Variants in NWD2 observed in about 807,000 individuals in gnomAD.
The protein encoded by NWD2 is NACHT and WD repeat domain-containing protein 2.
A neutral mutation model predicts 132.7 loss-of-function variants in NWD2; 37 were observed. The ratio of observed to expected loss-of-function variants is 0.28; its 90% CI spans 0.21 to 0.37. The LOEUF (loss-of-function observed/expected upper bound fraction) is 0.37. NWD2 is among the 10% of genes least tolerant of loss of function. The probability of loss-of-function intolerance (pLI) is 1.00; values close to 1 mark genes in which losing one functional copy is unlikely to be tolerated. For missense variants in NWD2, 1,592 were observed against 2,122.4 expected (o/e 0.75, Z 4.91); for synonymous variants, 705 against 803.0 (o/e 0.88, Z 2.06).
At chr4:37,307,376 C>T (rs1247858752) in intron 1 of NWD2, among the ~76,000 whole-genome samples, 1 of 152,058 alleles carries the variant, frequency 6.6e-6, no homozygotes, top group South Asian at 2.1e-4. Context: ...TCCTTGATTT[C>T]TGAAGGATAA....
intron 1 of NWD2, among the ~76,000 whole-genome samples, chr4:37,282,888 A>G (rs1487157035): frequency 6.6e-6 from 1 of 152,238 alleles, no homozygotes; most frequent in Non-Finnish European, 1.5e-5. Context: ...TAATTATAAC[A>G]GGTACTGTTT....
In NWD2 at chr4:37,252,686, T is replaced by A. The variant is rs559130891; in HGVS notation, c.151+7468T>A. ...TCCCAGCAGGCTTCATTTACATGTC[T>A]GGCACCCAGTTCTCCTCCATGAGGG... On this transcript the variant is annotated intron_variant, in intron 1 of 6. Coordinates refer to ENST00000309447, the MANE Select transcript of NWD2 (RefSeq NM_001144990.2). Among the ~76,000 whole-genome samples the A allele has an allele frequency of 1.3e-3, 204 of 152,340 alleles. 1 individual carries two copies. Among genetic ancestry groups the A allele is most frequent in the African/African-American group, 4.8e-3 (198 of 41,574 alleles).
At chr4:37,304,149 C>T (rs1269194774) in intron 1 of NWD2, among the ~76,000 whole-genome samples, 2 of 151,980 alleles carry the variant, frequency 1.3e-5, no homozygotes, top group East Asian at 3.9e-4. Context: ...TGGTGGAAGG[C>T]AAAGGGAAAG....
chr4:37,347,574 C>T (rs1719661119), intron 2 of NWD2, among the ~76,000 whole-genome samples: 1 of 152,072 alleles, frequency 6.6e-6, no homozygotes, highest in African/African-American at 2.4e-5. Flanking sequence ...CAATTTATAC[C>T]AATTTAATTC....
At chr4:37,267,087 T>C (rs1392217375) in intron 1 of NWD2, among the ~76,000 whole-genome samples, 1 of 151,890 alleles carries the variant, frequency 6.6e-6, no homozygotes, top group African/African-American at 2.4e-5. Context: ...ACAAAACTCA[T>C]GTGGTCATAA....
At chr4:37,348,673 TATACAC>T (rs1482929174) in intron 2 of NWD2, among the ~76,000 whole-genome samples, 1 of 28,204 alleles carries the variant, frequency 3.5e-5, no homozygotes, top group Non-Finnish European at 6.3e-5. Flanking sequence ...TATATATATA[TATACAC>T]ACACACACAC....
At chr4:37,299,173 A>G (rs1010950719) in intron 1 of NWD2, among the ~76,000 whole-genome samples, 1 of 152,012 alleles carries the variant, frequency 6.6e-6, no homozygotes, top group Admixed American at 6.6e-5. Flanking sequence ...CCCCTATTCC[A>G]GTTTCTTCTT....
chr4:37,396,619 C>G (rs1347158347), intron 3 of NWD2, among the ~76,000 whole-genome samples: 1 of 152,242 alleles, frequency 6.6e-6, no homozygotes, highest in Non-Finnish European at 1.5e-5. Flanking sequence ...GGAGAGGATT[C>G]TATAAGCTTC....
chr4:37,253,005 C>G (rs13435696), intron 1 of NWD2, among the ~76,000 whole-genome samples: 4,456 of 151,410 alleles, frequency 0.029, 209 homozygotes, highest in African/African-American at 0.1. Context: ...ACCACAACCC[C>G]CCCCCCTTAT....
At chr4:37,354,172 G>A (rs368008394) in intron 2 of NWD2, among the ~76,000 whole-genome samples, 171 of 152,304 alleles carry the variant, frequency 1.1e-3, no homozygotes, top group African/African-American at 3.9e-3. Context: ...CACCAGCGGA[G>A]GCTGCAGAAC....
At chr4:37,383,564 G>A (rs533717330) in intron 3 of NWD2, among the ~76,000 whole-genome samples, 51 of 152,204 alleles carry the variant, frequency 3.4e-4, no homozygotes, top group African/African-American at 1.1e-3. Flanking sequence ...GATCTCGTAG[G>A]TTTCTCAAGC....
In NWD2 at chr4:37,443,324, G is replaced by C; in HGVS notation, c.1336G>C (p.Asp446His). Reference sequence around the variant, plus strand: ...ACATGAGGACACAGGACCAGAATCTGACCCAGTAGTCATCGTGAGATTTCT... The same window carrying C: ...ACATGAGGACACAGGACCAGAATCTCACCCAGTAGTCATCGTGAGATTTCT... ...WLHEDTGPESDPVVIVRFLGT... is the reference protein window; with the variant it reads ...WLHEDTGPESHPVVIVRFLGT... The change falls in exon 7 of 7, where the codon GAC becomes CAC. Residue 446 changes from aspartate (D) to histidine (H), a missense_variant. Asp to His is a moderately conservative substitution (Grantham distance 81, BLOSUM62 -1). Transcript: ENST00000309447. The surrounding 1 kb of genome is among the most constrained non-coding windows in gnomAD (Gnocchi z 4.1). 6.4e-7 allele frequency: 1 copy of C among 1,551,608 alleles called. No individual in the cohort carries two copies. The highest frequency in any genetic ancestry group is 8.7e-7 in the Non-Finnish European group (1 of 1,146,928).
chr4:37,391,219 A>G (rs1720674102), intron 3 of NWD2, among the ~76,000 whole-genome samples: 1 of 152,232 alleles, frequency 6.6e-6, no homozygotes, highest in Non-Finnish European at 1.5e-5. Flanking sequence ...CACAGCTTGT[A>G]AAGGATGATG....
Position 37,394,877 on chromosome 4 carries a change from A to G in NWD2, c.358-35695A>G, listed in dbSNP as rs185996927. On this transcript the variant is annotated intron_variant, in intron 3 of 6. Transcript: ENST00000309447. ...CCAGGCTGGAGTGTGCAGTGGTGCA[A>G]TCTTGGCTCACTGCAACCTCTGCCT... Among the ~76,000 whole-genome samples, 22 of 121,570 alleles carry G rather than the reference A, an allele frequency of 1.8e-4. No homozygotes were observed. In the East Asian group the frequency reaches 4.8e-3, roughly 26 times the overall value. The allele number at this position is 121,570 out of a possible 152,430, so 79.8% of individuals were successfully genotyped here. A position where few individuals can be genotyped will look rare whatever the true frequency, so the allele number is the denominator to read the frequency against.
chr4:37,335,303 G>GGA (rs1560397972), intron 2 of NWD2, among the ~76,000 whole-genome samples: 1 of 55,550 alleles, frequency 1.8e-5, no homozygotes, highest in African/African-American at 5.8e-5. Flanking sequence ...GGGTGGGCGG[G>GGA]GGGGGGGGGC....
chr4:37,292,516 A>G (rs868536690), intron 1 of NWD2, among the ~76,000 whole-genome samples: 14 of 152,170 alleles, frequency 9.2e-5, no homozygotes, highest in Admixed American at 2.6e-4. Context: ...TCTATTACTT[A>G]TAAATATCCC....
At chr4:37,264,412 T>G (rs1717707511) in intron 1 of NWD2, among the ~76,000 whole-genome samples, 1 of 152,190 alleles carries the variant, frequency 6.6e-6, no homozygotes, top group African/African-American at 2.4e-5. Context: ...TTTAATTTTT[T>G]CATAACCAGC....
In NWD2 at chr4:37,394,801, T is replaced by TTTTTTTTGTTTTG. The variant is rs1560411755; in HGVS notation, c.358-35764_358-35763insGTTTTGTTTTTTT. ...TTCCTCTATAGTGAACCTTTATGGT[T>TTTTTTTTGTTTTG]TTTTTTTTTTTTTTTTTTTTTTTTT... On this transcript the variant is annotated intron_variant, in intron 3 of 6. Coordinates refer to ENST00000309447, the MANE Select transcript of NWD2 (RefSeq NM_001144990.2). Among the ~76,000 whole-genome samples the TTTTTTTTGTTTTG allele has an allele frequency of 2.4e-4, 19 of 79,578 alleles. 1 individual carries two copies. The highest frequency in any genetic ancestry group is 5.7e-4 in the South Asian group (1 of 1,766). 52.2% of individuals were successfully genotyped at this position (79,578 alleles called of 152,430 possible).
intron 3 of NWD2, among the ~76,000 whole-genome samples, chr4:37,411,892 T>C (rs1721167301): frequency 6.6e-6 from 1 of 152,196 alleles, no homozygotes; most frequent in Non-Finnish European, 1.5e-5. Context: ...ACCACATGAT[T>C]ATCTCAATAG....
Sources: allele counts gnomAD v4.1 joint callset (sites outside exome capture counted in the v4.1 genomes callset), GRCh38; gene constraint gnomAD v4.1.1; non-coding constraint Gnocchi (gnomAD v3.1); transcripts MANE v1.5; gene names NCBI Gene and HGNC (gene_info 2026-07-23, HGNC 2026-07-21).